The following TCAIM variants were observed in gnomAD, a reference collection of about 807,000 sequenced individuals.
TCAIM encodes T-cell activation inhibitor, mitochondrial.
In TCAIM, 36 loss-of-function variants were observed where a neutral mutation model predicts 58.6. That is an observed-to-expected ratio of 0.61 (90% CI 0.47 to 0.81). The LOEUF is 0.81. TCAIM is among the 30% of genes least tolerant of loss of function. The probability of loss-of-function intolerance (pLI) is 0.00; values close to 1 mark genes in which losing one functional copy is unlikely to be tolerated. For missense variants in TCAIM, 466 were observed against 579.6 expected, an observed-to-expected ratio of 0.80 and a Z score of 2.01; for synonymous variants, 172 against 193.6, an observed-to-expected ratio of 0.89 and a Z score of 0.93.
intron 5 of TCAIM, among the ~76,000 whole-genome samples, chr3:44,389,855 C>G (rs981876896): frequency 6.6e-6 from 1 of 152,114 alleles, no homozygotes; most frequent in Non-Finnish European, 1.5e-5. Flanking sequence ...CAGTCCCTCT[C>G]CAGTCTCTTA....
At chr3:44,367,980 A>T (rs1201924237) in intron 5 of TCAIM, 2 of 328,942 alleles carry the variant, frequency 6.1e-6, no homozygotes, top group Non-Finnish European at 1.1e-5. Flanking sequence ...CATGCAGGAG[A>T]TTGTTTTGTT....
chr3:44,357,680 A>T (rs1299261630), intron 2 of TCAIM, 61 bp from the exon 3 acceptor site: 1 of 1,594,400 alleles, frequency 6.3e-7, no homozygotes, highest in Non-Finnish European at 8.5e-7. Flanking sequence ...TCACTTATAC[A>T]TTGAGGATTT....
chr3:44,396,550 A>G (rs1203489011), intron 7 of TCAIM, 53 bp downstream of exon 7: 5 of 1,534,432 alleles, frequency 3.3e-6, no homozygotes, highest in East Asian at 2.3e-5. Context: ...ATGTACGTCT[A>G]TAAATTTTAA....
chr3:44,361,618 A>T (rs1160023288), intron 4 of TCAIM, 100 bp downstream of exon 4: 17 of 1,192,698 alleles, frequency 1.4e-5, no homozygotes, highest in Non-Finnish European at 1.9e-5. Context: ...AACTTTGGTG[A>T]TAGAAAAATA....
intron 10 of TCAIM, 100 bp downstream of exon 10, chr3:44,401,434 G>C: frequency 1.4e-6 from 2 of 1,435,788 alleles, no homozygotes; most frequent in Non-Finnish European, 1.9e-6. Flanking sequence ...ACAGTATGAA[G>C]CTTAGGAAAT....
chr3:44,354,862 G>C, intron 2 of TCAIM, 51 bp downstream of exon 2: 1 of 1,571,594 alleles, frequency 6.4e-7, no homozygotes, highest in Non-Finnish European at 8.6e-7. Context: ...GGGGAGGTCT[G>C]TTATGCATTT....
intron 5 of TCAIM, among the ~76,000 whole-genome samples, chr3:44,371,833 G>C (rs1297939335): frequency 1.3e-5 from 2 of 152,016 alleles, no homozygotes; most frequent in African/African-American, 4.8e-5. Flanking sequence ...AAGCTGGAAT[G>C]GTATCTCTAT....
chr3:44,343,721 A>T (rs1700903766), intron 1 of TCAIM, among the ~76,000 whole-genome samples: 1 of 152,204 alleles, frequency 6.6e-6, no homozygotes, highest in East Asian at 1.9e-4. Context: ...TAGCTTGCTC[A>T]CAAAATAAGC....
chr3:44,403,768 C>T lies in TCAIM; in HGVS notation c.1250+2434C>T, dbSNP rs1702058008. ...TTCCTCTCCCCTGTCTCACTCCCTA[C>T]CCCAGTCCACCTTCAGAGCAGACAT... On this transcript the variant is annotated intron_variant, in intron 10 of 10. Transcript: ENST00000342649. Among the ~76,000 whole-genome samples the T allele has an allele frequency of 3.9e-5, 6 of 152,306 alleles. 1 individual carries two copies. The South Asian group carries it at 1.0e-3, about 26-fold the overall frequency.
rs756847328 is a variant in TCAIM at position 44,357,824 on chromosome 3, C to T, written c.113C>T (p.Pro38Leu). The T allele has an allele frequency of 1.4e-5, 23 of 1,614,142 alleles. No homozygotes were observed. The South Asian group carries it at 2.5e-4, about 18-fold the overall frequency. Reference protein sequence around the residue: ...SGAEAVNALRPFYFAVHPDFF... With the variant: ...SGAEAVNALRLFYFAVHPDFF... ...GCTGAAGCAGTCAATGCCTTGAGGC[C>T]TTTCTATTTTGCAGTACATCCAGAT... is the stretch of plus-strand genomic sequence containing the variant. The change falls in exon 3 of 11, where the codon CCT (proline) becomes CTT (leucine). Residue 38 changes from proline to leucine, a missense_variant. Transcript: ENST00000342649.
chr3:44,406,033 T>G (rs1431876429), intron 10 of TCAIM, among the ~76,000 whole-genome samples: 2 of 152,022 alleles, frequency 1.3e-5, no homozygotes, highest in African/African-American at 4.8e-5. Context: ...CACGTTATTT[T>G]CCTGTTGAGG....
At chr3:44,395,946 C>T (rs1701926507) in intron 6 of TCAIM, among the ~76,000 whole-genome samples, 1 of 152,200 alleles carries the variant, frequency 6.6e-6, no homozygotes, top group Non-Finnish European at 1.5e-5. Context: ...GTGATTACAC[C>T]ACTGCACTCC....
At chr3:44,342,288 A>G (rs1391216259) in intron 1 of TCAIM, among the ~76,000 whole-genome samples, 1 of 152,174 alleles carries the variant, frequency 6.6e-6, no homozygotes, top group East Asian at 1.9e-4. Context: ...GTTTATATAT[A>G]TCCACATGTT....
rs80079063 is a variant in TCAIM, at chr3:44,354,765, G to A, written c.-18G>A. On this transcript the variant is annotated 5_prime_UTR_variant, in exon 2 of 11. Transcript: ENST00000342649. ...AATTAATGGATGCCTCGAAGTTGAC[G>A]TACATATATATTCAGAAATGTTTTG... 1.7e-5 allele frequency: 28 copies of A among 1,606,232 alleles called. No individual in the cohort carries two copies. The highest frequency in any genetic ancestry group is 4.0e-5 in the African/African-American group (3 of 74,722).
intron 1 of TCAIM, among the ~76,000 whole-genome samples, chr3:44,344,667 C>T (rs1159816873): frequency 6.6e-6 from 1 of 152,048 alleles, no homozygotes; most frequent in East Asian, 1.9e-4. Context: ...CTGTCACACG[C>T]GTCCGTGTGA....
In TCAIM at chr3:44,392,843, C is replaced by G; in HGVS notation, c.573-12C>G. On this transcript the variant is annotated splice_polypyrimidine_tract_variant and intron_variant, in intron 5 of 10. Transcript: ENST00000342649. ...AGTTAGTATTGTAAAGTATGTATCT[C>G]TCTCTTTCTAGATCCTGGTTAGATA... 1 of 1,609,580 alleles carries G rather than the reference C, an allele frequency of 6.2e-7. No homozygotes were observed. Among genetic ancestry groups the G allele is most frequent in the Non-Finnish European group, 8.5e-7 (1 of 1,177,662 alleles).
At chr3:44,357,671 C>T in intron 2 of TCAIM, 70 bp from the exon 3 acceptor site, 23 of 1,572,882 alleles carry the variant, frequency 1.5e-5, no homozygotes, top group Non-Finnish European at 2.0e-5. Context: ...GTTTTATTGT[C>T]ACTTATACAT....
chr3:44,378,868 A>G (rs1701609329), intron 5 of TCAIM, among the ~76,000 whole-genome samples: 1 of 151,882 alleles, frequency 6.6e-6, no homozygotes. Flanking sequence ...GGCTAGCATT[A>G]AAAAGCCAGG....
chr3:44,357,578 G>A (rs974722407), intron 2 of TCAIM, among the ~76,000 whole-genome samples, 163 bp from the exon 3 acceptor site: 2 of 152,182 alleles, frequency 1.3e-5, no homozygotes, highest in African/African-American at 4.8e-5. Flanking sequence ...TAGAAACCAT[G>A]TGGTACTCAC....
Sources: gnomAD v4.1 joint callset for allele counts (sites outside exome capture counted in the v4.1 genomes callset) on GRCh38, gnomAD v4.1.1 for gene constraint, MANE v1.5 for transcripts, NCBI Gene and HGNC (gene_info 2026-07-23, HGNC 2026-07-21) for gene names.